IKBKB: variants seen among roughly 807,000 people sequenced by gnomAD.
IKBKB encodes the protein inhibitor of nuclear factor kappa B kinase subunit beta.
IKBKB carries 42 observed loss-of-function variants against 113.6 expected under a neutral mutation model. The observed-to-expected ratio is 0.37, with a 90% CI of 0.29 to 0.48. IKBKB has a LOEUF of 0.48. IKBKB is among the 20% of genes least tolerant of loss of function. The probability of loss-of-function intolerance (pLI) is 0.99; values close to 1 mark genes in which losing one functional copy is unlikely to be tolerated. For synonymous variants in IKBKB, 296 were observed against 361.3 expected (o/e 0.82, Z 2.05); for missense variants, 673 against 939.7 (o/e 0.72, Z 3.71).
chr8:42,283,693 T>A (rs1274600751), intron 2 of IKBKB, among the ~76,000 whole-genome samples: 1 of 152,230 alleles, frequency 6.6e-6, no homozygotes, highest in Non-Finnish European at 1.5e-5. Flanking sequence ...ACATCAGGCT[T>A]CAGCAGATAG....
intron 19 of IKBKB, among the ~76,000 whole-genome samples, chr8:42,323,762 G>T (rs191800577): frequency 6.6e-6 from 1 of 152,340 alleles, no homozygotes; most frequent in East Asian, 1.9e-4. Context: ...AGGAACGGGA[G>T]AAAACAGGAT....
intron 5 of IKBKB, among the ~76,000 whole-genome samples, chr8:42,295,538 G>A (rs934520338): frequency 5.3e-5 from 8 of 152,110 alleles, no homozygotes; most frequent in East Asian, 1.9e-4. Flanking sequence ...CAGCCTGACC[G>A]AGATGCTGAA....
intron 6 of IKBKB, 69 bp downstream of exon 6, chr8:42,305,344 G>A (rs1816299334): frequency 3.4e-6 from 3 of 876,034 alleles, no homozygotes; most frequent in Non-Finnish European, 5.8e-6. Context: ...GAGGAAAGGA[G>A]CACACTCTGC....
intron 2 of IKBKB, among the ~76,000 whole-genome samples, chr8:42,274,367 CTGT>C (rs1425161380): frequency 6.6e-6 from 1 of 152,088 alleles, no homozygotes; most frequent in Non-Finnish European, 1.5e-5. Flanking sequence ...TGTAGTCACC[CTGT>C]TGTTCTTTAG....
At position 42,316,984 on chromosome 8, in the gene IKBKB, A is replaced by G; in HGVS notation, c.1125+80A>G. On this transcript the variant is annotated intron_variant, in intron 11 of 21. Coordinates refer to ENST00000520810, the MANE Select transcript of IKBKB (RefSeq NM_001556.3). The surrounding 1 kb of genome is among the most constrained non-coding windows in gnomAD (Gnocchi z 4.5). ...AAACTCAACACACTTTCAGATTTCAATTCTGCTTTGTCATGTAGTCTGTTA... is the reference window on the plus strand; with the variant it reads ...AAACTCAACACACTTTCAGATTTCAGTTCTGCTTTGTCATGTAGTCTGTTA... 7.5e-7 allele frequency: 1 copy of G among 1,338,264 alleles called. No homozygotes were observed. Among genetic ancestry groups the G allele is most frequent in the East Asian group, 2.4e-5 (1 of 40,986 alleles). The allele number at this position is 1,338,264 out of a possible 1,614,324, so 82.9% of individuals were successfully genotyped here.
chr8:42,322,585 C>A, intron 19 of IKBKB, 91 bp downstream of exon 19: 2 of 1,350,032 alleles, frequency 1.5e-6, no homozygotes, highest in South Asian at 1.3e-5. Flanking sequence ...CACGGGACAC[C>A]ACAGAGCCAC....
chr8:42,328,749 TG>T (rs1821274653), intron 20 of IKBKB, among the ~76,000 whole-genome samples: 1 of 152,198 alleles, frequency 6.6e-6, no homozygotes, highest in Admixed American at 6.5e-5. Flanking sequence ...ATAAATTCCT[TG>T]GCCTTTTTTT....
At chr8:42,322,537 C>G in intron 19 of IKBKB, 43 bp downstream of exon 19, 1 of 1,606,684 alleles carries the variant, frequency 6.2e-7, no homozygotes, top group South Asian at 1.1e-5. Context: ...CTAGCAGCCT[C>G]CTGTGCCTTT....
chr8:42,294,065 A>G (rs796533789), intron 5 of IKBKB, among the ~76,000 whole-genome samples: 16 of 152,226 alleles, frequency 1.1e-4, no homozygotes, highest in African/African-American at 3.9e-4. Context: ...CCTGGCGCTC[A>G]CTCAGGAGGG....
rs202118433 is a variant in IKBKB, at chr8:42,331,170, G to A, written c.*191G>A. 11 of 867,586 alleles carry A rather than the reference G, an allele frequency of 1.3e-5. No homozygotes were observed. Among genetic ancestry groups the A allele is most frequent in the Middle Eastern group, 6.4e-4 (2 of 3,118 alleles). 53.7% of individuals were successfully genotyped at this position (867,586 alleles called of 1,614,324 possible). A position where few individuals can be genotyped will look rare whatever the true frequency, so the allele number is the denominator to read the frequency against. On this transcript the variant is annotated 3_prime_UTR_variant, in exon 22 of 22. Coordinates refer to ENST00000520810, the MANE Select transcript of IKBKB (RefSeq NM_001556.3). ...TCTCTGGTATCCAGATGGAGCTCTC[G>A]CTTCCTCAGCAGCTGTGACTTTCAC...
At chr8:42,294,634 TC>T (rs1244893734) in intron 5 of IKBKB, among the ~76,000 whole-genome samples, 2 of 152,214 alleles carry the variant, frequency 1.3e-5, no homozygotes, top group Admixed American at 6.5e-5. Flanking sequence ...AAAATTCCCA[TC>T]TTGCTCTGTG....
At chr8:42,319,473 C>A (rs1381955231) in intron 14 of IKBKB, 52 bp downstream of exon 14, 1 of 1,607,250 alleles carries the variant, frequency 6.2e-7, no homozygotes, top group Non-Finnish European at 8.5e-7. Flanking sequence ...TTTTCTTTTT[C>A]TCTTTCTAAG....
intron 4 of IKBKB, among the ~76,000 whole-genome samples, chr8:42,290,500 G>A (rs566483092): frequency 3.3e-5 from 5 of 152,254 alleles, no homozygotes; most frequent in South Asian, 2.1e-4. Flanking sequence ...GGGTAAGGGC[G>A]TGCTGCACAC....
chr8:42,318,753 GGCAGGGACCCAGAA>G, intron 13 of IKBKB, 78 bp downstream of exon 13: 1 of 1,401,378 alleles, frequency 7.1e-7, no homozygotes, highest in Non-Finnish European at 9.6e-7. Context: ...AGGTGGTTGA[GGCAGGGACCCAGAA>G]GCAACCGTTA....
chr8:42,291,706 G>T (rs1812681759), intron 4 of IKBKB, among the ~76,000 whole-genome samples: 1 of 152,156 alleles, frequency 6.6e-6, no homozygotes, highest in African/African-American at 2.4e-5. Context: ...CAGGAGAATA[G>T]CTTGAGGCCA....
chr8:42,283,614 G>A (rs959061412), intron 2 of IKBKB, among the ~76,000 whole-genome samples: 6 of 152,124 alleles, frequency 3.9e-5, no homozygotes, highest in African/African-American at 1.4e-4. Flanking sequence ...GAAAAGTAGG[G>A]AAACAGACTC....
intron 8 of IKBKB, chr8:42,309,909 A>G (rs1817379955): frequency 6.6e-6 from 1 of 152,520 alleles, no homozygotes; most frequent in African/African-American, 2.4e-5. Flanking sequence ...CTGATTAAAG[A>G]AATAATGCAT....
intron 8 of IKBKB, among the ~76,000 whole-genome samples, chr8:42,311,987 T>C (rs1410543516): frequency 2.0e-5 from 3 of 152,076 alleles, no homozygotes; most frequent in South Asian, 2.1e-4. Context: ...CCCGGGTTCA[T>C]GCCATTCTCC....
At chr8:42,323,066 C>T (rs1018489087) in intron 19 of IKBKB, among the ~76,000 whole-genome samples, 12 of 152,196 alleles carry the variant, frequency 7.9e-5, no homozygotes, top group African/African-American at 2.9e-4. Context: ...TGGTGTGTGA[C>T]TCCAGTCTCT....
Sources: gnomAD v4.1 joint callset for allele counts (sites outside exome capture counted in the v4.1 genomes callset) on GRCh38, gnomAD v4.1.1 for gene constraint, Gnocchi (gnomAD v3.1) non-coding constraint, MANE v1.5 for transcripts, NCBI Gene and HGNC (gene_info 2026-07-23, HGNC 2026-07-21) for gene names.